The following SLC6A5 variants were observed in gnomAD, a reference collection of about 807,000 sequenced individuals.
SLC6A5 encodes solute carrier family 6 member 5, also known as sodium- and chloride-dependent glycine transporter 2.
A neutral mutation model predicts 90.5 loss-of-function variants in SLC6A5; 58 were observed. That is an observed-to-expected ratio of 0.64 (90% CI 0.52 to 0.80). SLC6A5 has a LOEUF of 0.80. SLC6A5 is among the 30% of genes least tolerant of loss of function. The pLI is 0.00. For missense variants in SLC6A5, 1,015 were observed against 1,017.6 expected (o/e 1.00, Z 0.03); for synonymous variants, 427 against 401.4 (o/e 1.06, Z -0.76).
intron 7 of SLC6A5, among the ~76,000 whole-genome samples, chr11:20,619,560 G>A (rs571674748): frequency 2.6e-5 from 4 of 152,130 alleles, no homozygotes; most frequent in Non-Finnish European, 5.9e-5. Context: ...GGTGTTTGCT[G>A]TGTAGGGATA....
intron 13 of SLC6A5, among the ~76,000 whole-genome samples, chr11:20,642,707 A>C (rs1380223205): frequency 1.3e-5 from 2 of 152,156 alleles, no homozygotes; most frequent in South Asian, 4.1e-4. Flanking sequence ...AACCATATAA[A>C]CAGAGGCCTA....
chr11:20,625,505 G>C (rs925799181), intron 7 of SLC6A5, among the ~76,000 whole-genome samples: 1 of 151,992 alleles, frequency 6.6e-6, no homozygotes, highest in Middle Eastern at 3.2e-3. Context: ...CAGGTGATCT[G>C]CCCGCCTTGA....
intron 15 of SLC6A5, among the ~76,000 whole-genome samples, chr11:20,653,788 C>T (rs2133826557): frequency 6.6e-6 from 1 of 152,296 alleles, no homozygotes; most frequent in South Asian, 2.1e-4. Context: ...CCAACTGACC[C>T]AGAAATCTCT....
intron 4 of SLC6A5, 31 bp downstream of exon 4, chr11:20,607,169 G>A: frequency 6.3e-7 from 1 of 1,584,282 alleles, no homozygotes; most frequent in Non-Finnish European, 8.6e-7. Flanking sequence ...AGCCTCCTCA[G>A]GCCCTTTCTT....
chr11:20,657,826 TTG>T lies in SLC6A5; in HGVS notation c.*2961_*2962del, dbSNP rs987195156. The T allele has an allele frequency of 6.6e-6, 1 of 152,244 alleles. No homozygotes were observed. The highest frequency in any genetic ancestry group is 2.4e-5 in the African/African-American group (1 of 41,466). 9.4% of individuals were successfully genotyped at this position (152,244 alleles called of 1,614,324 possible). A position where few individuals can be genotyped will look rare whatever the true frequency, so the allele number is the denominator to read the frequency against. On this transcript the variant is annotated 3_prime_UTR_variant, in exon 16 of 16. Coordinates refer to ENST00000525748, the MANE Select transcript of SLC6A5 (RefSeq NM_004211.5). Reference sequence around the variant, plus strand: ...AATGTATATTTCTTAACAAGTGGTGTTGTGACTTCTTATGCAAATGTCTTGCA... The same window carrying T: ...AATGTATATTTCTTAACAAGTGGTGTTGACTTCTTATGCAAATGTCTTGCA...
intron 15 of SLC6A5, among the ~76,000 whole-genome samples, chr11:20,653,001 TC>T (rs996648943): frequency 4.6e-5 from 7 of 152,160 alleles, no homozygotes; most frequent in African/African-American, 1.7e-4. Context: ...GTGAGACTTG[TC>T]TTTCTTTGTC....
chr11:20,607,226 C>A, intron 4 of SLC6A5, 88 bp downstream of exon 4: 2 of 1,507,862 alleles, frequency 1.3e-6, no homozygotes, highest in Non-Finnish European at 1.8e-6. Context: ...GGAGACCTGC[C>A]TTTGTGGTTA....
Position 20,637,195 on chromosome 11 carries a change from G to T in SLC6A5, c.1761G>T (p.Val587=). Residue 587 remains valine (V), a synonymous_variant, in exon 12 of 16, where the codon GTG becomes GTT. Coordinates refer to ENST00000525748, the MANE Select transcript of SLC6A5 (RefSeq NM_004211.5). The stretch of plus-strand genomic sequence containing the variant: ...AGTTTGCCACCATCGAGACCATAGT[G>T]ACCTCCATCTCAGACGAGTTTCCCA... The part of the protein sequence containing the change: ...DTMFATIETI[V]TSISDEFPKY... The T allele has an allele frequency of 1.2e-6, 2 of 1,613,834 alleles. No homozygotes were observed. Among genetic ancestry groups the T allele is most frequent in the Non-Finnish European group, 1.7e-6 (2 of 1,179,912 alleles).
At chr11:20,616,991 G>C (rs1354278556) in intron 6 of SLC6A5, among the ~76,000 whole-genome samples, 2 of 152,230 alleles carry the variant, frequency 1.3e-5, no homozygotes, top group East Asian at 3.8e-4. Flanking sequence ...TTGCGGAGTA[G>C]AAAGAATTGT....
chr11:20,628,105 T>A (rs759111263), intron 9 of SLC6A5, 22 bp downstream of exon 9: 2 of 1,567,172 alleles, frequency 1.3e-6, no homozygotes, highest in South Asian at 2.2e-5. Flanking sequence ...TACTACAAGA[T>A]CTGGGCATAG....
In SLC6A5 at chr11:20,624,629, G is replaced by T. The variant is rs1489295131; in HGVS notation, c.1261-2079G>T. On this transcript the variant is annotated intron_variant, in intron 7 of 15. Coordinates refer to ENST00000525748, the MANE Select transcript of SLC6A5 (RefSeq NM_004211.5). ...GGTGCCCTGTGTCCCTCTCATGGGG[G>T]CAGGTATTCCAGTTGCCCTCAGAGG... Among the ~76,000 whole-genome samples, 9 of 152,274 alleles carry T rather than the reference G, an allele frequency of 5.9e-5. No homozygotes were observed. The East Asian group carries it at 1.7e-3, about 29-fold the overall frequency.
At chr11:20,646,718 G>T (rs1027940574) in intron 13 of SLC6A5, 116 bp from the exon 14 acceptor site, 3 of 747,068 alleles carry the variant, frequency 4.0e-6, no homozygotes, top group Non-Finnish European at 7.3e-6. Flanking sequence ...TTGATACAGG[G>T]CTGGGGCCAG....
In SLC6A5 at chr11:20,607,041, T is replaced by A. The variant is rs769732318; in HGVS notation, c.714T>A (p.Ala238=). 9 of 1,614,014 alleles carry A rather than the reference T, an allele frequency of 5.6e-6. No individual in the cohort carries two copies. The South Asian group carries it at 9.9e-5, about 18-fold the overall frequency. ...AFLIPYLMML[A]LAGLPIFFLE... is the part of the protein sequence containing the mutation. ...TCATCCCTTACCTGATGATGCTGGC[T>A]CTGGCTGGATTACCCATCTTCTTCT... Residue 238 remains alanine (A), a synonymous_variant, in exon 4 of 16, where the codon GCT becomes GCA. Coordinates refer to ENST00000525748, the MANE Select transcript of SLC6A5 (RefSeq NM_004211.5).
At chr11:20,634,361 A>G (rs1329165120) in intron 10 of SLC6A5, among the ~76,000 whole-genome samples, 2 of 152,342 alleles carry the variant, frequency 1.3e-5, no homozygotes, top group East Asian at 3.9e-4. Context: ...GTCTGCTGTA[A>G]TTTAGCTTGC....
chr11:20,639,455 G>A (rs1200164537), intron 13 of SLC6A5, among the ~76,000 whole-genome samples: 2 of 152,138 alleles, frequency 1.3e-5, no homozygotes, highest in Non-Finnish European at 2.9e-5. Flanking sequence ...AAAAGGAAGT[G>A]CAAGATATTA....
At chr11:20,638,742 T>C (rs1403585824) in intron 13 of SLC6A5, among the ~76,000 whole-genome samples, 184 bp downstream of exon 13, 2 of 152,168 alleles carry the variant, frequency 1.3e-5, no homozygotes, top group Non-Finnish European at 2.9e-5. Flanking sequence ...CCAAATTTAA[T>C]AGGGAAACAA....
rs1242399426 is a variant in SLC6A5, at chr11:20,608,596, TA to T, written c.985+945del. Among the ~76,000 whole-genome samples the T allele has an allele frequency of 2.0e-5, 3 of 152,216 alleles. No individual in the cohort carries two copies. In the East Asian group the frequency reaches 5.8e-4, roughly 29 times the overall value. The stretch of plus-strand genomic sequence containing the variant: ...ATATAACTCTACAAATAAAAGGTGC[TA>T]GTAGCAGTCACTTTGGAAGTTCTCG... On this transcript the variant is annotated intron_variant, in intron 5 of 15. Coordinates refer to ENST00000525748, the MANE Select transcript of SLC6A5 (RefSeq NM_004211.5).
At chr11:20,628,127 G>T in intron 9 of SLC6A5, 44 bp downstream of exon 9, 4 of 1,443,760 alleles carry the variant, frequency 2.8e-6, no homozygotes, top group Non-Finnish European at 3.9e-6. Flanking sequence ...TGGTGAGTGG[G>T]ACAGAAGAAT....
chr11:20,649,456 T>C (rs1376281513), intron 14 of SLC6A5, among the ~76,000 whole-genome samples: 1 of 152,162 alleles, frequency 6.6e-6, no homozygotes, highest in African/African-American at 2.4e-5. Context: ...CAAAGTTAAC[T>C]TGGCAGAGGG....
Sources: allele counts gnomAD v4.1 joint callset (sites outside exome capture counted in the v4.1 genomes callset), GRCh38; gene constraint gnomAD v4.1.1; transcripts MANE v1.5; gene names NCBI Gene and HGNC (gene_info 2026-07-23, HGNC 2026-07-21).